The following MICALL2 variants were observed in gnomAD, a reference collection of about 807,000 sequenced individuals.
The protein encoded by MICALL2 is MICAL like 2.
Under a neutral mutation model 91.1 loss-of-function variants are expected in MICALL2, and 111 were observed. The observed-to-expected ratio is 1.22, with a 90% CI of 1.04 to 1.43. The LOEUF (loss-of-function observed/expected upper bound fraction) is 1.43. Among genes scored for constraint, MICALL2 ranks in the 40% most tolerant of loss-of-function variants. MICALL2 has a pLI of 0.00. For missense variants in MICALL2, 1,556 were observed against 1,236.0 expected (o/e 1.26, Z -3.88); for synonymous variants, 694 against 525.3 (o/e 1.32, Z -4.39).
At chr7:1,437,440 GAC>G (rs2128519039) in intron 14 of MICALL2, 93 bp downstream of exon 14, 1 of 1,135,558 alleles carries the variant, frequency 8.8e-7, no homozygotes, top group East Asian at 2.7e-5. Context: ...TCACCACCAG[GAC>G]AGTCAGGTGG....
chr7:1,435,024 G>C (rs1779897186), intron 16 of MICALL2, 77 bp downstream of exon 16: 3 of 508,664 alleles, frequency 5.9e-6, no homozygotes, highest in Admixed American at 3.5e-5. Context: ...GGTCCACCCA[G>C]CCAGCCAGCC....
rs1466124761 is a variant in MICALL2, at chr7:1,459,228, G to A, written c.99C>T (p.Gly33=). Residue 33 remains glycine, a synonymous_variant, in exon 1 of 17, where the codon GGC becomes GGT. Coordinates refer to ENST00000297508, the MANE Select transcript of MICALL2 (RefSeq NM_182924.4). ...GGTGCAGGATGGCGCAGAAAGCCAG[G>A]CCGTCGCGGAACGACGTGGTCATGT... ...ICNMTTSFRD[G]LAFCAILHRH... is the part of the protein sequence containing the mutation. The A allele has an allele frequency of 6.2e-7, 1 of 1,611,040 alleles. No homozygotes were observed. Among genetic ancestry groups the A allele is most frequent in the Non-Finnish European group, 8.5e-7 (1 of 1,179,018 alleles).
intron 8 of MICALL2, 126 bp from the exon 9 acceptor site, chr7:1,440,211 T>C: frequency 8.5e-7 from 1 of 1,179,040 alleles, no homozygotes; most frequent in Non-Finnish European, 1.2e-6. Context: ...AAATGCCACC[T>C]CCCAGCCCAC....
At position 1,450,231 on chromosome 7, in the gene MICALL2, G is replaced by T; in HGVS notation, c.192+9C>A. 1 of 1,611,432 alleles carries T rather than the reference G, an allele frequency of 6.2e-7. No individual in the cohort carries two copies. The highest frequency in any genetic ancestry group is 8.5e-7 in the Non-Finnish European group (1 of 1,179,160). On this transcript the variant is annotated intron_variant, in intron 2 of 16. Coordinates refer to ENST00000297508, the MANE Select transcript of MICALL2 (RefSeq NM_182924.4). The stretch of plus-strand genomic sequence containing the variant: ...AGCCAGCTGTGAGGCCGGGGCGGGG[G>T]CCACTCACCAGTTTATTGTTTTCAT...
chr7:1,437,085 C>T (rs10256633), intron 14 of MICALL2: 6,777 of 493,182 alleles, frequency 0.014, 334 homozygotes, highest in African/African-American at 0.11. Flanking sequence ...AAACACCACT[C>T]GCTGCAGAGA....
chr7:1,447,564 T>C lies in MICALL2; in HGVS notation c.525+11A>G. 1 of 997,606 alleles carries C rather than the reference T, an allele frequency of 1.0e-6. No individual in the cohort carries two copies. Among genetic ancestry groups the C allele is most frequent in the Admixed American group, 2.7e-5 (1 of 37,010 alleles). 61.8% of individuals were successfully genotyped at this position (997,606 alleles called of 1,614,324 possible). On this transcript the variant is annotated intron_variant, in intron 4 of 16. Transcript: ENST00000297508. ...CCAGAGAACCAGGGGGAGGGTGGGG[T>C]GGGAGCTTACAGTCTTGGGGGGCGG... is the stretch of plus-strand genomic sequence containing the variant.
At position 1,438,278 on chromosome 7, in the gene MICALL2, C is replaced by T. The variant is rs1780083421; in HGVS notation, c.2187+11G>A. 1 of 1,593,908 alleles carries T rather than the reference C, an allele frequency of 6.3e-7. No homozygotes were observed. Among genetic ancestry groups the T allele is most frequent in the Non-Finnish European group, 8.5e-7 (1 of 1,170,688 alleles). On this transcript the variant is annotated intron_variant, in intron 11 of 16. Transcript: ENST00000297508. ...GGCTGGGCCCCTGCCCGGCTCCCCA[C>T]CACTACTCACCCTGACTGGGGAGGT...
chr7:1,434,606 G>A lies in MICALL2; in HGVS notation c.2705C>T (p.Pro902Leu). 6.3e-7 allele frequency: 1 copy of A among 1,594,054 alleles called. No homozygotes were observed. Among genetic ancestry groups the A allele is most frequent in the Non-Finnish European group, 8.5e-7 (1 of 1,173,882 alleles). ...KIWSPKSKSS[P>L]SQ Reference sequence around the variant, plus strand: ...CGGCCCTACTGGCTACTACTGGGAGGGGCTGCTTTTGCTTTTTGGTGACCA... The same window carrying A: ...CGGCCCTACTGGCTACTACTGGGAGAGGCTGCTTTTGCTTTTTGGTGACCA... Residue 902 changes from proline to leucine, a missense_variant, in exon 17 of 17, where the codon CCC becomes CTC. Coordinates refer to ENST00000297508, the MANE Select transcript of MICALL2 (RefSeq NM_182924.4).
At chr7:1,439,680 C>A in intron 9 of MICALL2, 1 of 413,890 alleles carries the variant, frequency 2.4e-6, no homozygotes, top group Non-Finnish European at 4.2e-6. Flanking sequence ...CACAGATGTA[C>A]ACATGCGCAC....
At chr7:1,438,705 G>A (rs974859203) in intron 10 of MICALL2, 135 bp downstream of exon 10, 10 of 1,486,792 alleles carry the variant, frequency 6.7e-6, no homozygotes, top group East Asian at 2.3e-5. Flanking sequence ...GCACGGGGCT[G>A]GGTCCTTCCT....
rs370994107 is a variant in MICALL2 at position 1,456,585 on chromosome 7, C to CAAAT, written c.143+2595_143+2598dup. ...TGGGCGACAGAGCTAGACTCTGTCT[C>CAAAT]AAATAAATAAATAAATAAATAAATA... On this transcript the variant is annotated intron_variant, in intron 1 of 16. Coordinates refer to ENST00000297508, the MANE Select transcript of MICALL2 (RefSeq NM_182924.4). 3.1e-3 allele frequency among the ~76,000 whole-genome samples: 472 copies of CAAAT among 151,240 alleles called. 4 individuals carry two copies. Among genetic ancestry groups the CAAAT allele is most frequent in the African/African-American group, 8.5e-3 (351 of 41,152 alleles).
intron 7 of MICALL2, 110 bp downstream of exon 7, chr7:1,442,082 G>A (rs1258322347): frequency 3.2e-6 from 4 of 1,240,600 alleles, no homozygotes; most frequent in Non-Finnish European, 4.5e-6. Context: ...AGACGGAGAG[G>A]AAGGCGGGCG....
At chr7:1,439,901 C>G in intron 9 of MICALL2, 24 bp downstream of exon 9, 2 of 1,411,276 alleles carry the variant, frequency 1.4e-6, no homozygotes, top group Non-Finnish European at 9.2e-7. Flanking sequence ...AACCCGGGGG[C>G]CCCTGGGTCC....
In MICALL2 at chr7:1,444,658, G is replaced by C; in HGVS notation, c.1412C>G (p.Pro471Arg). The change falls in exon 6 of 17, where the codon CCT becomes CGT. Residue 471 changes from proline to arginine, a missense_variant. Pro to Arg is a moderately radical substitution (Grantham distance 103, BLOSUM62 -2). Coordinates refer to ENST00000297508, the MANE Select transcript of MICALL2 (RefSeq NM_182924.4). ...TCGGTCCCCACGCGCTCACCTGCCAGGCGCCGGAGCGCCAGCCTCTTCCAG... is the reference window on the plus strand; with the variant it reads ...TCGGTCCCCACGCGCTCACCTGCCACGCGCCGGAGCGCCAGCCTCTTCCAG... Reference protein sequence around the residue: ...SALEEAGAPAPGRPSPATAAV... With the variant: ...SALEEAGAPARGRPSPATAAV... 1 of 1,609,740 alleles carries C rather than the reference G, an allele frequency of 6.2e-7. No individual in the cohort carries two copies. Among genetic ancestry groups the C allele is most frequent in the Non-Finnish European group, 8.5e-7 (1 of 1,179,588 alleles).
Position 1,436,862 on chromosome 7 carries a change from G to C in MICALL2, c.2477-6C>G, listed in dbSNP as rs1273818213. 1.3e-5 allele frequency: 21 copies of C among 1,569,010 alleles called. No individual in the cohort carries two copies. The highest frequency in any genetic ancestry group is 1.7e-5 in the Non-Finnish European group (20 of 1,158,914). ...CTGCAGTGACTTCAGAGCCTCTGTG[G>C]GGATGGCTCGTCAGCAGGAGCCCCC... On this transcript the variant is annotated splice_region_variant and splice_polypyrimidine_tract_variant and intron_variant, in intron 14 of 16. Coordinates refer to ENST00000297508, the MANE Select transcript of MICALL2 (RefSeq NM_182924.4).
At chr7:1,446,946 G>T in intron 4 of MICALL2, 118 bp from the exon 5 acceptor site, 1 of 720,572 alleles carries the variant, frequency 1.4e-6, no homozygotes, top group Non-Finnish European at 2.2e-6. Context: ...CAGGAGAGGA[G>T]CCGCCAGCAG....
At chr7:1,434,720 C>G in intron 16 of MICALL2, 48 bp from the exon 17 acceptor site, 4 of 1,499,484 alleles carry the variant, frequency 2.7e-6, no homozygotes, top group Non-Finnish European at 3.6e-6. Context: ...CGCAGCCGCA[C>G]AGCCGTGGCC....
rs1223322538 is a variant in MICALL2 at position 1,445,393 on chromosome 7, G to T, written c.677C>A (p.Ala226Asp). 6.4e-7 allele frequency: 1 copy of T among 1,569,934 alleles called. No individual in the cohort carries two copies. Among genetic ancestry groups the T allele is most frequent in the Non-Finnish European group, 8.6e-7 (1 of 1,164,822 alleles). Reference sequence around the variant, plus strand: ...GCCCGGCTCTCCTGTGGCCTTGTAGGCCCCCGAGTGCAGCGTGCAGGAGCA... The same window carrying T: ...GCCCGGCTCTCCTGTGGCCTTGTAGTCCCCCGAGTGCAGCGTGCAGGAGCA... ...KQCSCTLHSG[A>D]YKATGEPGTF... The change falls in exon 6 of 17, where the codon GCC becomes GAC. Residue 226 changes from alanine to aspartate, a missense_variant. Ala to Asp is a moderately radical substitution (Grantham distance 126, BLOSUM62 -2). Coordinates refer to ENST00000297508, the MANE Select transcript of MICALL2 (RefSeq NM_182924.4).
At position 1,447,720 on chromosome 7, in the gene MICALL2, T is replaced by A. The variant is rs1431313586; in HGVS notation, c.380A>T (p.Glu127Val). The A allele has an allele frequency of 3.2e-6, 5 of 1,573,222 alleles. No homozygotes were observed. Among genetic ancestry groups the A allele is most frequent in the Non-Finnish European group, 4.3e-6 (5 of 1,160,160 alleles). ...TGGAGCCTTCTTCCCTGACGGCTCC[T>A]CCTCAGAGTCCTCCGAGGCCCTCTT... ...GVKRASEDSEEEPSGKKAPVQ... is the reference protein window; with the variant it reads ...GVKRASEDSEVEPSGKKAPVQ... Residue 127 changes from glutamate (E) to valine (V), a missense_variant, in exon 4 of 17, where the codon GAG becomes GTG. Glu to Val is a moderately radical substitution (Grantham distance 121). Coordinates refer to ENST00000297508, the MANE Select transcript of MICALL2 (RefSeq NM_182924.4).
Sources: allele counts gnomAD v4.1 joint callset (sites outside exome capture counted in the v4.1 genomes callset), GRCh38; gene constraint gnomAD v4.1.1; transcripts MANE v1.5; gene names NCBI Gene and HGNC (gene_info 2026-07-23, HGNC 2026-07-21).